Variants in ZNF827 observed in about 807,000 individuals in gnomAD.
The protein encoded by ZNF827 is zinc finger protein 827.
Under a neutral mutation model 102.4 loss-of-function variants are expected in ZNF827, and 13 were observed. The ratio of observed to expected loss-of-function variants is 0.13; its 90% confidence interval spans 0.08 to 0.20. ZNF827 has a LOEUF of 0.20. ZNF827 is among the 10% of genes least tolerant of loss of function. The probability of loss-of-function intolerance (pLI) is 1.00; values close to 1 mark genes in which losing one functional copy is unlikely to be tolerated. For missense variants in ZNF827, 1,103 were observed against 1,344.4 expected (o/e 0.82, Z 2.81); for synonymous variants, 523 against 536.2 (o/e 0.98, Z 0.34).
At chr4:145,794,233 C>G (rs1037246055) in intron 8 of ZNF827, among the ~76,000 whole-genome samples, 1 of 152,196 alleles carries the variant, frequency 6.6e-6, no homozygotes, top group African/African-American at 2.4e-5. Context: ...CACAGATCCT[C>G]CTTCTCCAGT....
intron 5 of ZNF827, among the ~76,000 whole-genome samples, chr4:145,864,570 G>A (rs1473037670): frequency 6.6e-6 from 1 of 151,664 alleles, no homozygotes; most frequent in East Asian, 1.9e-4. Context: ...CTCCAGCCTG[G>A]GTGACTGAGC....
chr4:145,886,804 T>C lies in ZNF827; in HGVS notation c.1267-646A>G, dbSNP rs191277902. ...AGTATTCTGAGCAAGAGGAAACCAA[T>C]TTTTCCAAACGTGGCTATAATATCA... On this transcript the variant is annotated intron_variant, in intron 3 of 14. Coordinates refer to ENST00000508784, the MANE Select transcript of ZNF827 (RefSeq NM_001306215.2). 2.6e-5 allele frequency among the ~76,000 whole-genome samples: 4 copies of C among 152,038 alleles called. No homozygotes were observed. In the East Asian group the frequency reaches 7.7e-4, roughly 29 times the overall value.
In ZNF827 at chr4:145,774,442, G is replaced by A. The variant is rs111999894; in HGVS notation, c.2860+64C>T. 410 of 1,543,922 alleles carry A rather than the reference G, an allele frequency of 2.7e-4. 2 individuals are homozygous for A. In the African/African-American group the frequency reaches 5.0e-3, roughly 19 times the overall value. On this transcript the variant is annotated intron_variant, in intron 11 of 14. Coordinates refer to ENST00000508784, the MANE Select transcript of ZNF827 (RefSeq NM_001306215.2). ...GGCAGTGGGGATGCTTCGGCCAGGT[G>A]GCAGGTGCTCTGGGGTGCAGGGGAT...
chr4:145,872,376 G>C (rs1337520288), intron 4 of ZNF827, among the ~76,000 whole-genome samples: 1 of 152,160 alleles, frequency 6.6e-6, no homozygotes, highest in Non-Finnish European at 1.5e-5. Context: ...GTCTGCACGA[G>C]GACACAGTGA....
intron 1 of ZNF827, among the ~76,000 whole-genome samples, chr4:145,920,347 A>T (rs543561912): frequency 1.3e-5 from 2 of 152,348 alleles, no homozygotes; most frequent in African/African-American, 4.8e-5. Context: ...GAGGACAGAA[A>T]GAGAGCAACA....
In ZNF827 at chr4:145,757,797, T is replaced by C. The variant is rs925348294; in HGVS notation, c.*3819A>G. Reference sequence around the variant, plus strand: ...TTTATACAATACAAATTTTCAGTAATGTACACAAACCTTGACAGTATGATC... The same window carrying C: ...TTTATACAATACAAATTTTCAGTAACGTACACAAACCTTGACAGTATGATC... On this transcript the variant is annotated 3_prime_UTR_variant, in exon 15 of 15. Transcript: ENST00000508784. 6.6e-6 allele frequency: 1 copy of C among 151,656 alleles called. No individual in the cohort carries two copies. The highest frequency in any genetic ancestry group is 1.5e-5 in the Non-Finnish European group (1 of 67,938). The allele number at this position is 151,656 out of a possible 1,614,324, so 9.4% of individuals were successfully genotyped here.
intron 11 of ZNF827, among the ~76,000 whole-genome samples, chr4:145,771,267 A>T (rs1051428998): frequency 6.6e-6 from 1 of 151,928 alleles, no homozygotes; most frequent in East Asian, 1.9e-4. Flanking sequence ...TATGTGTCAG[A>T]TCTCTCGATT....
At chr4:145,846,121 G>A (rs1745910074) in intron 6 of ZNF827, 108 bp from the exon 7 acceptor site, 11 of 1,054,910 alleles carry the variant, frequency 1.0e-5, no homozygotes, top group Non-Finnish European at 1.6e-5. Context: ...TTCCTTTGTG[G>A]TTTTCTTTTG....
At position 145,774,392 on chromosome 4, in the gene ZNF827, T is replaced by A. The variant is rs561508104; in HGVS notation, c.2860+114A>T. Reference sequence around the variant, plus strand: ...TGCCTTGGGAAAGTCCTTCCTTCCATGGAAGGAAAAGGGCAATGTCTCAGG... The same window carrying A: ...TGCCTTGGGAAAGTCCTTCCTTCCAAGGAAGGAAAAGGGCAATGTCTCAGG... On this transcript the variant is annotated intron_variant, in intron 11 of 14. Coordinates refer to ENST00000508784, the MANE Select transcript of ZNF827 (RefSeq NM_001306215.2). 58 of 1,191,690 alleles carry A rather than the reference T, an allele frequency of 4.9e-5. 1 individual carries two copies. In the Admixed American group the frequency reaches 1.1e-3, roughly 23 times the overall value. 73.8% of individuals were successfully genotyped at this position (1,191,690 alleles called of 1,614,324 possible). A position where few individuals can be genotyped will look rare whatever the true frequency, so the allele number is the denominator to read the frequency against.
chr4:145,779,069 CT>C (rs147031915), intron 9 of ZNF827, among the ~76,000 whole-genome samples: 3,934 of 152,276 alleles, frequency 0.026, 98 homozygotes, highest in African/African-American at 0.065. Flanking sequence ...GTGTGTCCCC[CT>C]GTCCTTCACT....
chr4:145,792,743 A>G (rs913457473), intron 8 of ZNF827, among the ~76,000 whole-genome samples: 3 of 152,206 alleles, frequency 2.0e-5, no homozygotes, highest in African/African-American at 7.2e-5. Context: ...ACTCCAAAGT[A>G]GTTGAGCAAA....
chr4:145,877,313 G>T lies in ZNF827; in HGVS notation c.1748-6835C>A, dbSNP rs1027772764. ...TGTGTATGTATGTATGTATGAACAG[G>T]TTGGGGATCTGGGATTTTTCAGCAC... On this transcript the variant is annotated intron_variant, in intron 4 of 14. Coordinates refer to ENST00000508784, the MANE Select transcript of ZNF827 (RefSeq NM_001306215.2). Among the ~76,000 whole-genome samples the T allele has an allele frequency of 2.0e-5, 3 of 152,164 alleles. No homozygotes were observed. In the East Asian group the frequency reaches 5.8e-4, roughly 29 times the overall value.
rs140194085 is a variant in ZNF827, at chr4:145,856,985, G to GCGCACA, written c.1982-7425_1982-7424insTGTGCG. Among the ~76,000 whole-genome samples, 306 of 140,156 alleles carry GCGCACA rather than the reference G, an allele frequency of 2.2e-3. 1 individual carries two copies. Among genetic ancestry groups the GCGCACA allele is most frequent in the East Asian group, 8.1e-3 (40 of 4,930 alleles). The allele number at this position is 140,156 out of a possible 152,430, so 91.9% of individuals were successfully genotyped here. On this transcript the variant is annotated intron_variant, in intron 5 of 14. Coordinates refer to ENST00000508784, the MANE Select transcript of ZNF827 (RefSeq NM_001306215.2). Reference sequence around the variant, plus strand: ...CTCGCTCATGCGCGCGCACGCGCACGCACACACACACACACACACACACAC... The same window carrying GCGCACA: ...CTCGCTCATGCGCGCGCACGCGCACGCGCACACACACACACACACACACACACACAC...
chr4:145,916,519 G>T (rs1039025895), intron 1 of ZNF827, among the ~76,000 whole-genome samples: 3 of 152,162 alleles, frequency 2.0e-5, no homozygotes, highest in African/African-American at 4.8e-5. Flanking sequence ...GATGGAAGGG[G>T]AGCACTGGTG....
chr4:145,846,981 C>T (rs1746034243), intron 6 of ZNF827, among the ~76,000 whole-genome samples: 1 of 148,668 alleles, frequency 6.7e-6, no homozygotes, highest in Admixed American at 6.7e-5. Flanking sequence ...TGGTGAAAAC[C>T]CGTCTCTACT....
At chr4:145,920,234 C>A (rs1308038260) in intron 1 of ZNF827, among the ~76,000 whole-genome samples, 1 of 152,206 alleles carries the variant, frequency 6.6e-6, no homozygotes, top group Non-Finnish European at 1.5e-5. Flanking sequence ...ATCATAATCA[C>A]CCCAACCAAA....
At chr4:145,898,242 A>C (rs545083772) in intron 2 of ZNF827, among the ~76,000 whole-genome samples, 1 of 152,374 alleles carries the variant, frequency 6.6e-6, no homozygotes, top group South Asian at 2.1e-4. Flanking sequence ...TGCTTTTGCA[A>C]TAATTTTAAT....
intron 7 of ZNF827, chr4:145,832,301 C>CCCCA (rs1744298119): frequency 6.8e-6 from 1 of 147,786 alleles, no homozygotes; most frequent in Admixed American, 6.7e-5. Context: ...CAAAACAAAA[C>CCCCA]CACACACACA....
At chr4:145,924,012 A>G (rs1184126729) in intron 1 of ZNF827, among the ~76,000 whole-genome samples, 8 of 152,250 alleles carry the variant, frequency 5.3e-5, no homozygotes, top group Non-Finnish European at 1.0e-4. Flanking sequence ...AAGTGGAAAC[A>G]AAAGCAAACA....
Sources: allele counts gnomAD v4.1 joint callset (sites outside exome capture counted in the v4.1 genomes callset), GRCh38; gene constraint gnomAD v4.1.1; transcripts MANE v1.5; gene names NCBI Gene and HGNC (gene_info 2026-07-23, HGNC 2026-07-21).